The following MITF variants were observed in gnomAD, a reference collection of about 807,000 sequenced individuals.
The protein encoded by MITF is microphthalmia-associated transcription factor.
In MITF, 17 loss-of-function variants were observed where a neutral mutation model predicts 60.5. The ratio of observed to expected loss-of-function variants is 0.28; its 90% CI spans 0.19 to 0.42. The LOEUF (loss-of-function observed/expected upper bound fraction) is 0.42, where lower values mean the gene tolerates loss of function less well. Ranked by LOEUF, MITF falls within the 10% of genes least tolerant of loss-of-function variation. The pLI is 1.00. For missense variants in MITF, 622 were observed against 683.5 expected (o/e 0.91, Z 1.00); for synonymous variants, 260 against 248.5 (o/e 1.05, Z -0.43).
intron 9 of MITF, among the ~76,000 whole-genome samples, chr3:69,961,617 C>T (rs2066550295): frequency 1.3e-5 from 2 of 151,192 alleles, no homozygotes; most frequent in South Asian, 4.2e-4. Flanking sequence ...GCCTATAATC[C>T]CAGCTACTCA....
rs2107406967 is a variant in MITF, at chr3:69,915,920, C to A, written c.355-21902C>A. Among the ~76,000 whole-genome samples, 4 of 152,276 alleles carry A rather than the reference C, an allele frequency of 2.6e-5. No homozygotes were observed. The East Asian group carries it at 7.7e-4, about 29-fold the overall frequency. On this transcript the variant is annotated intron_variant, in intron 2 of 9. Coordinates refer to ENST00000352241, the MANE Select transcript of MITF (RefSeq NM_001354604.2). ...TGGATCCTCAGTCACATGTTCATTC[C>A]CTAGCTGCAAGGGAGGCTGGCAAAG...
rs914388918 is a variant in MITF at position 69,959,165 on chromosome 3, TA to T, written c.1032-99del. The T allele has an allele frequency of 1.9e-4, 246 of 1,328,224 alleles. 2 individuals are homozygous for T. Among genetic ancestry groups the T allele is most frequent in the Admixed American group, 5.3e-4 (22 of 41,672 alleles). The allele number at this position is 1,328,224 out of a possible 1,614,324, so 82.3% of individuals were successfully genotyped here. On this transcript the variant is annotated intron_variant, in intron 8 of 9. Transcript: ENST00000352241. ...ACCTGTTCCCCCAAAACTATTGAAATAAAAAAAAATTTTAAAAAGTTCAAAA... is the reference window on the plus strand; with the variant it reads ...ACCTGTTCCCCCAAAACTATTGAAATAAAAAAAATTTTAAAAAGTTCAAAA...
At chr3:69,962,085 A>T (rs1265107664) in intron 9 of MITF, among the ~76,000 whole-genome samples, 1 of 152,244 alleles carries the variant, frequency 6.6e-6, no homozygotes, top group Non-Finnish European at 1.5e-5. Context: ...ATTTTTAATT[A>T]GACAACAAAG....
chr3:69,757,354 C>T (rs1046674811), intron 1 of MITF, among the ~76,000 whole-genome samples: 1 of 152,186 alleles, frequency 6.6e-6, no homozygotes, highest in Admixed American at 6.5e-5. Flanking sequence ...AGTTCCCATT[C>T]AGAGTTTTAT....
intron 1 of MITF, among the ~76,000 whole-genome samples, chr3:69,746,925 C>G (rs566347568): frequency 3.3e-4 from 51 of 152,340 alleles, no homozygotes; most frequent in Non-Finnish European, 1.3e-4. Flanking sequence ...GCTTATTTCT[C>G]TAGCCCATTT....
At chr3:69,839,099 T>C (rs1251204379) in intron 1 of MITF, among the ~76,000 whole-genome samples, 1 of 152,234 alleles carries the variant, frequency 6.6e-6, no homozygotes, top group Admixed American at 6.5e-5. Context: ...TTCATTTTTT[T>C]CATTTTTGTA....
chr3:69,821,608 TA>T (rs1019327868), intron 1 of MITF, among the ~76,000 whole-genome samples: 1 of 127,880 alleles, frequency 7.8e-6, no homozygotes, highest in Non-Finnish European at 1.6e-5. Context: ...GACCTAGATT[TA>T]AAAAAAACTC....
At chr3:69,789,337 A>C (rs1255127133) in intron 1 of MITF, among the ~76,000 whole-genome samples, 1 of 152,256 alleles carries the variant, frequency 6.6e-6, no homozygotes, top group Non-Finnish European at 1.5e-5. Flanking sequence ...GGACTTTAAG[A>C]GACATTTCTC....
chr3:69,756,857 T>C (rs1704170535), intron 1 of MITF, among the ~76,000 whole-genome samples: 1 of 152,240 alleles, frequency 6.6e-6, no homozygotes, highest in Admixed American at 6.5e-5. Context: ...CTCATTGTGG[T>C]TTTGATTTGA....
At chr3:69,765,593 T>C (rs1384811235) in intron 1 of MITF, among the ~76,000 whole-genome samples, 3 of 152,226 alleles carry the variant, frequency 2.0e-5, no homozygotes, top group African/African-American at 7.2e-5. Context: ...AACTGAAGAA[T>C]TGCAGACCAA....
chr3:69,789,847 CTG>C (rs1022750082), intron 1 of MITF, among the ~76,000 whole-genome samples: 1 of 152,138 alleles, frequency 6.6e-6, no homozygotes, highest in Non-Finnish European at 1.5e-5. Flanking sequence ...CAGAGTGAGA[CTG>C]TGTCTCAGAA....
intron 2 of MITF, among the ~76,000 whole-genome samples, chr3:69,886,516 G>A (rs2064622557): frequency 6.6e-6 from 1 of 152,018 alleles, no homozygotes; most frequent in Non-Finnish European, 1.5e-5. Context: ...ACATCCTACT[G>A]TAAGGACATG....
intron 1 of MITF, among the ~76,000 whole-genome samples, chr3:69,786,804 C>G (rs192910396): frequency 6.4e-4 from 98 of 152,274 alleles, no homozygotes; most frequent in Middle Eastern, 3.4e-3. Flanking sequence ...AAAATCCATT[C>G]AGTTGGAAAT....
At chr3:69,810,219 T>C (rs1162621135) in intron 1 of MITF, among the ~76,000 whole-genome samples, 1 of 152,230 alleles carries the variant, frequency 6.6e-6, no homozygotes, top group Non-Finnish European at 1.5e-5. Flanking sequence ...CATTTGATAC[T>C]AAGAATGACT....
chr3:69,949,698 A>C (rs2066193869), intron 6 of MITF, among the ~76,000 whole-genome samples: 1 of 152,204 alleles, frequency 6.6e-6, no homozygotes, highest in Non-Finnish European at 1.5e-5. Context: ...AAAAAATTAT[A>C]AAATGGAGCA....
At chr3:69,946,922 C>T (rs13325643) in intron 5 of MITF, among the ~76,000 whole-genome samples, 2,779 of 152,204 alleles carry the variant, frequency 0.018, 89 homozygotes, top group African/African-American at 0.062. Context: ...TTTGTCTCCC[C>T]CACCCTGTCC....
At chr3:69,955,224 G>A (rs980854510) in intron 7 of MITF, among the ~76,000 whole-genome samples, 9 of 152,250 alleles carry the variant, frequency 5.9e-5, no homozygotes, top group African/African-American at 2.2e-4. Flanking sequence ...AAATTGTGAC[G>A]TAAAACTGAA....
intron 2 of MITF, among the ~76,000 whole-genome samples, chr3:69,919,321 A>G (rs1230763751): frequency 6.6e-6 from 1 of 152,236 alleles, no homozygotes; most frequent in Non-Finnish European, 1.5e-5. Context: ...AGAACTTTGT[A>G]GGAACAATCT....
intron 1 of MITF, among the ~76,000 whole-genome samples, chr3:69,782,135 G>T (rs776172594): frequency 6.6e-6 from 1 of 152,354 alleles, no homozygotes; most frequent in South Asian, 2.1e-4. Flanking sequence ...TGCACAGCCT[G>T]AGTGGCTGTA....
Sources: allele counts gnomAD v4.1 joint callset (sites outside exome capture counted in the v4.1 genomes callset), GRCh38; gene constraint gnomAD v4.1.1; transcripts MANE v1.5; gene names NCBI Gene and HGNC (gene_info 2026-07-23, HGNC 2026-07-21).